Variants in SAMTOR observed in about 807,000 individuals in gnomAD.
The protein encoded by SAMTOR is S-adenosylmethionine sensor upstream of mTORC1, also known as UPF0532 protein C7orf60.
the SAMTOR span, among the ~76,000 whole-genome samples, chr7:112,937,549 T>C: frequency 2.4e-3 from 368 of 151,772 alleles, 2 homozygotes; most frequent in African/African-American, 8.7e-3. Flanking sequence ...CACAGATGAC[T>C]TTTTTACTAC....
the SAMTOR span, among the ~76,000 whole-genome samples, chr7:112,910,005 A>C: frequency 6.6e-6 from 1 of 151,990 alleles, no homozygotes; most frequent in Non-Finnish European, 1.5e-5. Flanking sequence ...GGACTCCCTG[A>C]AGAAACAGTC....
the SAMTOR span, among the ~76,000 whole-genome samples, chr7:112,906,647 C>A: frequency 4.0e-5 from 6 of 150,932 alleles, no homozygotes; most frequent in African/African-American, 1.2e-4. Flanking sequence ...TGGCTCACTG[C>A]AACCTCCTCC....
At chr7:112,894,209 AGGAGAGG>A in the SAMTOR span, among the ~76,000 whole-genome samples, 4 of 150,790 alleles carry the variant, frequency 2.7e-5, no homozygotes, top group Non-Finnish European at 5.9e-5. Context: ...GTGGGGAGAG[AGGAGAGG>A]GGAGAGAGAC....
the SAMTOR span, among the ~76,000 whole-genome samples, chr7:112,880,433 G>A: frequency 1.3e-5 from 2 of 152,048 alleles, no homozygotes; most frequent in African/African-American, 2.4e-5. Context: ...TAAAAATTAG[G>A]TAAGTAACTG....
chr7:112,879,673 CAT>C, the SAMTOR span, among the ~76,000 whole-genome samples: 307 of 152,250 alleles, frequency 2.0e-3, 2 homozygotes, highest in Middle Eastern at 6.8e-3. Context: ...CTTCAAGTAA[CAT>C]ATTGGAGCTT....
chr7:112,820,394 C>T, the SAMTOR span: 1 of 151,950 alleles, frequency 6.6e-6, no homozygotes, highest in Admixed American at 6.6e-5. Flanking sequence ...ATACGCACAA[C>T]ATTAACCATG....
chr7:112,841,725 CAG>C, the SAMTOR span, among the ~76,000 whole-genome samples: 1 of 152,114 alleles, frequency 6.6e-6, no homozygotes, highest in Non-Finnish European at 1.5e-5. Flanking sequence ...GGTACCAAAA[CAG>C]AGATACAGAC....
the SAMTOR span, among the ~76,000 whole-genome samples, chr7:112,907,603 A>G: frequency 3.9e-3 from 588 of 152,066 alleles, 4 homozygotes; most frequent in Non-Finnish European, 5.7e-3. Context: ...AAAATCAAGA[A>G]AAATTAGAGA....
chr7:112,878,763 C>G, the SAMTOR span, among the ~76,000 whole-genome samples: 1 of 152,062 alleles, frequency 6.6e-6, no homozygotes, highest in Admixed American at 6.5e-5. Flanking sequence ...TATTAAGGAA[C>G]TTGAATTTTA....
chr7:112,899,871 T>C, the SAMTOR span, among the ~76,000 whole-genome samples: 1 of 149,534 alleles, frequency 6.7e-6, no homozygotes. Context: ...AGGAGAAATA[T>C]GTAGATAAAC....
chr7:112,821,012 T>C, the SAMTOR span: 1 of 152,414 alleles, frequency 6.6e-6, no homozygotes, highest in Non-Finnish European at 1.5e-5. Flanking sequence ...CTCAGGTAAA[T>C]ATACTTCACA....
the SAMTOR span, among the ~76,000 whole-genome samples, chr7:112,848,909 C>A: frequency 6.6e-6 from 1 of 152,042 alleles, no homozygotes; most frequent in African/African-American, 2.4e-5. Flanking sequence ...ATTAGCTGGG[C>A]GTGGTGGTAC....
At chr7:112,872,262 A>G in the SAMTOR span, among the ~76,000 whole-genome samples, 1 of 152,162 alleles carries the variant, frequency 6.6e-6, no homozygotes, top group Non-Finnish European at 1.5e-5. Flanking sequence ...CCAGCAGCAC[A>G]TCAGAAAGTT....
the SAMTOR span, among the ~76,000 whole-genome samples, chr7:112,916,773 G>A: frequency 0.011 from 1,655 of 152,292 alleles, 31 homozygotes; most frequent in African/African-American, 0.037. Flanking sequence ...CTTGGGAAAC[G>A]GCGCAACAGG....
the SAMTOR span, among the ~76,000 whole-genome samples, chr7:112,851,989 C>T: frequency 1.3e-5 from 2 of 152,130 alleles, no homozygotes; most frequent in East Asian, 3.8e-4. Flanking sequence ...CAAATAACAA[C>T]AGATGTTGGC....
the SAMTOR span, among the ~76,000 whole-genome samples, chr7:112,911,879 C>A: frequency 4.0e-5 from 6 of 151,792 alleles, no homozygotes; most frequent in Admixed American, 3.9e-4. Context: ...CTTGAACCAA[C>A]AATTGCAAAA....
At chr7:112,825,405 T>G in the SAMTOR span, among the ~76,000 whole-genome samples, 1 of 152,230 alleles carries the variant, frequency 6.6e-6, no homozygotes, top group Admixed American at 6.5e-5. Flanking sequence ...ATGAGCTACA[T>G]ATTTCATATA....
chr7:112,872,708 G>A, the SAMTOR span, among the ~76,000 whole-genome samples: 1 of 151,638 alleles, frequency 6.6e-6, no homozygotes, highest in Non-Finnish European at 1.5e-5. Flanking sequence ...CTGATGGTAT[G>A]ATTCTGTTCT....
chr7:112,902,332 G>A, the SAMTOR span, among the ~76,000 whole-genome samples: 6 of 149,768 alleles, frequency 4.0e-5, no homozygotes, highest in South Asian at 4.3e-4. Flanking sequence ...ACCGGGAGGC[G>A]GAGGCTGCAG....
Sources: gnomAD v4.1 joint callset for allele counts (sites outside exome capture counted in the v4.1 genomes callset) on GRCh38, gnomAD v4.1.1 for gene constraint, MANE v1.5 for transcripts, NCBI Gene and HGNC (gene_info 2026-07-23, HGNC 2026-07-21) for gene names.